Variants in PPP3R1 observed in about 807,000 individuals in gnomAD.
PPP3R1 encodes the protein calcineurin subunit B type 1.
PPP3R1 carries 5 observed loss-of-function variants against 22.6 expected under a neutral mutation model. That is an observed-to-expected ratio of 0.22 (90% CI 0.12 to 0.46). The LOEUF (loss-of-function observed/expected upper bound fraction) is 0.46, where lower values mean the gene tolerates loss of function less well. Among genes scored for constraint, PPP3R1 ranks in the 20% least tolerant of loss-of-function variants. PPP3R1 has a pLI of 0.99. For missense variants in PPP3R1, 61 were observed against 203.2 expected (o/e 0.30, Z 4.25); for synonymous variants, 56 against 65.2 (o/e 0.86, Z 0.68).
At position 68,223,397 on chromosome 2, in the gene PPP3R1, AAAC is replaced by A. The variant is rs925696149; in HGVS notation, c.4-6269_4-6267del. Among the ~76,000 whole-genome samples, 20 of 152,296 alleles carry A rather than the reference AAAC, an allele frequency of 1.3e-4. No homozygotes were observed. The South Asian group carries it at 2.5e-3, about 19-fold the overall frequency. On this transcript the variant is annotated intron_variant, in intron 1 of 5. Coordinates refer to ENST00000234310, the MANE Select transcript of PPP3R1 (RefSeq NM_000945.4). ...GGCAACAGTGCGAGACTCTGTCTCA[AAAC>A]AACAACAACAACAAAAGAAAACTAT...
At chr2:68,190,507 A>G (rs1275862329) in intron 2 of PPP3R1, among the ~76,000 whole-genome samples, 2 of 152,122 alleles carry the variant, frequency 1.3e-5, no homozygotes, top group African/African-American at 4.8e-5. Flanking sequence ...CGGAGGTTGC[A>G]GTGAGCTGAG....
At chr2:68,241,398 G>C (rs1051324030) in intron 1 of PPP3R1, among the ~76,000 whole-genome samples, 1 of 152,024 alleles carries the variant, frequency 6.6e-6, no homozygotes, top group South Asian at 2.1e-4. Flanking sequence ...ACAATTTAAG[G>C]TGTTGTTATT....
In PPP3R1 at chr2:68,232,120, T is replaced by TACACACACACACACAC. The variant is rs371099015; in HGVS notation, c.4-14990_4-14989insGTGTGTGTGTGTGTGT. 1.1e-4 allele frequency among the ~76,000 whole-genome samples: 5 copies of TACACACACACACACAC among 44,318 alleles called. No individual in the cohort carries two copies. The East Asian group carries it at 2.0e-3, about 18-fold the overall frequency. 29.1% of individuals were successfully genotyped at this position (44,318 alleles called of 152,430 possible). On this transcript the variant is annotated intron_variant, in intron 1 of 5. Transcript: ENST00000234310. ...CTAAAAAAAAAAAAATATATATATA[T>TACACACACACACACAC]ATATACACACACACACACATATATA...
chr2:68,187,406 C>A, intron 3 of PPP3R1, 92 bp from the exon 4 acceptor site: 1 of 1,150,192 alleles, frequency 8.7e-7, no homozygotes. Context: ...AAGGATATTT[C>A]CTTGCTGCAA....
At position 68,179,008 on chromosome 2, in the gene PPP3R1, AAAAAAAAAG is replaced by A. The variant is rs1463938893; in HGVS notation, c.*1946_*1954del. On this transcript the variant is annotated 3_prime_UTR_variant, in exon 6 of 6. Transcript: ENST00000234310. ...CCACACACAAACTAAAAAAAAAAAA[AAAAAAAAAG>A]AAAAAGAAAAAACCCTCATTCCCCG... is the stretch of plus-strand genomic sequence containing the variant. 2 of 135,896 alleles carry A rather than the reference AAAAAAAAAG, an allele frequency of 1.5e-5. No individual in the cohort carries two copies. Among genetic ancestry groups the A allele is most frequent in the African/African-American group, 6.2e-5 (2 of 32,376 alleles). 8.4% of individuals were successfully genotyped at this position (135,896 alleles called of 1,614,324 possible).
chr2:68,191,845 A>G (rs1350771144), intron 2 of PPP3R1, among the ~76,000 whole-genome samples: 2 of 152,160 alleles, frequency 1.3e-5, no homozygotes, highest in African/African-American at 4.8e-5. Flanking sequence ...CTGTTCAAAT[A>G]AACCTTATTT....
intron 2 of PPP3R1, among the ~76,000 whole-genome samples, chr2:68,205,628 G>A (rs1384232144): frequency 1.3e-5 from 2 of 152,062 alleles, no homozygotes; most frequent in Non-Finnish European, 2.9e-5. Context: ...AATAATCAGT[G>A]TTCAAATTTC....
rs1674413480 is a variant in PPP3R1 at position 68,181,911 on chromosome 2, GTAGT to G, written c.466-905_466-902del. Among the ~76,000 whole-genome samples, 19 of 152,166 alleles carry G rather than the reference GTAGT, an allele frequency of 1.2e-4. 1 individual carries two copies. In the South Asian group the frequency reaches 3.9e-3, roughly 32 times the overall value. ...AATACTGACATGGTAATGTGTAAGT[GTAGT>G]ATCTGTATCATTTGGGGGGAATGTT... On this transcript the variant is annotated intron_variant, in intron 5 of 5. Coordinates refer to ENST00000234310, the MANE Select transcript of PPP3R1 (RefSeq NM_000945.4).
At position 68,252,307 on chromosome 2, in the gene PPP3R1, C is replaced by A. The variant is rs1407452589; in HGVS notation, c.-180G>T. 2 of 1,025,374 alleles carry A rather than the reference C, an allele frequency of 2.0e-6. No homozygotes were observed. The highest frequency in any genetic ancestry group is 1.7e-5 in the African/African-American group (1 of 57,930). 63.5% of individuals were successfully genotyped at this position (1,025,374 alleles called of 1,614,324 possible). ...GGCCCGCGCCGGCCGGGCGATTGGG[C>A]ACGCGAGGGAGCGGGCAGGGTAGGG... On this transcript the variant is annotated 5_prime_UTR_variant, in exon 1 of 6. Coordinates refer to ENST00000234310, the MANE Select transcript of PPP3R1 (RefSeq NM_000945.4).
intron 1 of PPP3R1, among the ~76,000 whole-genome samples, chr2:68,221,245 C>A (rs1669683829): frequency 6.6e-6 from 1 of 152,078 alleles, no homozygotes; most frequent in Admixed American, 6.5e-5. Flanking sequence ...GCAAGAGAAT[C>A]TCTTGAACCT....
chr2:68,189,668 G>A (rs1190348380), intron 2 of PPP3R1, among the ~76,000 whole-genome samples: 1 of 152,128 alleles, frequency 6.6e-6, no homozygotes, highest in East Asian at 1.9e-4. Flanking sequence ...AGGAGTTACA[G>A]ACCAGCCTGG....
chr2:68,229,164 C>T (rs1164867167), intron 1 of PPP3R1, among the ~76,000 whole-genome samples: 2 of 152,020 alleles, frequency 1.3e-5, no homozygotes, highest in African/African-American at 4.8e-5. Context: ...CATATGCCAT[C>T]ATGCTCAGCT....
intron 3 of PPP3R1, among the ~76,000 whole-genome samples, chr2:68,188,275 C>T (rs1339146206): frequency 6.6e-6 from 1 of 152,084 alleles, no homozygotes; most frequent in East Asian, 1.9e-4. Flanking sequence ...AAAGGAAATA[C>T]TGAGTCCCCC....
In PPP3R1 at chr2:68,189,961, T is replaced by C. The variant is rs371064115; in HGVS notation, c.44-1271A>G. 1.4e-4 allele frequency among the ~76,000 whole-genome samples: 22 copies of C among 152,054 alleles called. No individual in the cohort carries two copies. In the South Asian group the frequency reaches 4.3e-3, roughly 30 times the overall value. On this transcript the variant is annotated intron_variant, in intron 2 of 5. Coordinates refer to ENST00000234310, the MANE Select transcript of PPP3R1 (RefSeq NM_000945.4). ...TATACTGCCCATGAGTATATATGTA[T>C]TATGGCCCACAACACTAGAAAAGAG...
At chr2:68,250,382 A>T (rs959028418) in intron 1 of PPP3R1, among the ~76,000 whole-genome samples, 3 of 152,186 alleles carry the variant, frequency 2.0e-5, no homozygotes, top group African/African-American at 7.2e-5. Context: ...ACCGCAAGAG[A>T]GTTACTATTT....
At chr2:68,227,388 A>G (rs534050861) in intron 1 of PPP3R1, among the ~76,000 whole-genome samples, 1 of 152,014 alleles carries the variant, frequency 6.6e-6, no homozygotes, top group African/African-American at 2.4e-5. Flanking sequence ...AATGAAATTA[A>G]TTTTTTCTAG....
At chr2:68,194,942 T>A (rs565149643) in intron 2 of PPP3R1, among the ~76,000 whole-genome samples, 48 of 152,276 alleles carry the variant, frequency 3.2e-4, no homozygotes, top group African/African-American at 1.2e-3. Context: ...ATCTCTAAAT[T>A]CTAACAATAA....
At chr2:68,247,630 G>A (rs1027785306) in intron 1 of PPP3R1, among the ~76,000 whole-genome samples, 2 of 152,184 alleles carry the variant, frequency 1.3e-5, no homozygotes, top group African/African-American at 4.8e-5. Context: ...AGTTTCTCGA[G>A]GACAGGAACA....
intron 2 of PPP3R1, among the ~76,000 whole-genome samples, chr2:68,198,126 G>A (rs1446359465): frequency 1.1e-4 from 12 of 109,440 alleles, no homozygotes; most frequent in Non-Finnish European, 1.6e-4. Flanking sequence ...AAATATATAT[G>A]TAAACATGTT....
Sources: gnomAD v4.1 joint callset for allele counts (sites outside exome capture counted in the v4.1 genomes callset) on GRCh38, gnomAD v4.1.1 for gene constraint, MANE v1.5 for transcripts, NCBI Gene and HGNC (gene_info 2026-07-23, HGNC 2026-07-21) for gene names.